The following PCDH15 variants were observed in gnomAD, a reference collection of about 807,000 sequenced individuals.
The protein encoded by PCDH15 is protocadherin-15.
A neutral mutation model predicts 178.5 loss-of-function variants in PCDH15; 129 were observed. The ratio of observed to expected loss-of-function variants is 0.72; its 90% CI spans 0.63 to 0.84. PCDH15 has a LOEUF of 0.84. Ranked by LOEUF, PCDH15 falls within the 40% of genes least tolerant of loss-of-function variation. The pLI is 0.00. For missense variants in PCDH15, 2,230 were observed against 2,099.9 expected (o/e 1.06, Z -1.21); for synonymous variants, 800 against 732.0 (o/e 1.09, Z -1.50).
chr10:54,153,360 C>T (rs1438473685), intron 13 of PCDH15, 67 bp from the exon 14 acceptor site: 3 of 1,549,176 alleles, frequency 1.9e-6, no homozygotes, highest in East Asian at 2.3e-5. Flanking sequence ...TCGTTTTTTC[C>T]CCCAACAAAA....
Position 54,275,722 on chromosome 10 carries a change from T to C in PCDH15, c.877-38791A>G, listed in dbSNP as rs374409872. Among the ~76,000 whole-genome samples, 5 of 151,678 alleles carry C rather than the reference T, an allele frequency of 3.3e-5. No homozygotes were observed. The East Asian group carries it at 7.8e-4, about 24-fold the overall frequency. ...GAAGAGGATAAAAGAGCAAGGCATC[T>C]CCCTTGCTGACAGAAAGGCTTCTTA... On this transcript the variant is annotated intron_variant, in intron 8 of 37. Transcript: ENST00000644397.
At chr10:55,158,200 T>C (rs1282189742) in intron 2 of PCDH15, among the ~76,000 whole-genome samples, 1 of 151,912 alleles carries the variant, frequency 6.6e-6, no homozygotes, top group Non-Finnish European at 1.5e-5. Context: ...ATACAAATTA[T>C]ATTTCTTCTC....
chr10:54,290,565 T>A (rs990064912), intron 8 of PCDH15, among the ~76,000 whole-genome samples: 4 of 152,096 alleles, frequency 2.6e-5, no homozygotes, highest in Non-Finnish European at 4.4e-5. Context: ...AAAATGTAAA[T>A]GGGCTAAATG....
At position 54,281,480 on chromosome 10, in the gene PCDH15, ATCT is replaced by A. The variant is rs1306220715; in HGVS notation, c.876+35788_876+35790del. Among the ~76,000 whole-genome samples the A allele has an allele frequency of 2.0e-5, 3 of 151,882 alleles. 1 individual carries two copies. In the East Asian group the frequency reaches 5.8e-4, roughly 29 times the overall value. On this transcript the variant is annotated intron_variant, in intron 8 of 37. Transcript: ENST00000644397. Reference sequence around the variant, plus strand: ...TAATATATGAATATTGAGTCTATTAATCTTCTCTCTTAAAAATTCAAAGCACTA... The same window carrying A: ...TAATATATGAATATTGAGTCTATTAATCTCTCTTAAAAATTCAAAGCACTA...
chr10:53,904,699 G>GACTT (rs2082553948), intron 25 of PCDH15, among the ~76,000 whole-genome samples: 1 of 152,072 alleles, frequency 6.6e-6, no homozygotes, highest in South Asian at 2.1e-4. Flanking sequence ...CCAGGGCTCT[G>GACTT]ACTTGTACCT....
chr10:55,284,564 A>G (rs965681398), intron 1 of PCDH15, among the ~76,000 whole-genome samples: 1 of 97,962 alleles, frequency 1.0e-5, no homozygotes, highest in South Asian at 2.9e-4. Context: ...TGTTTTCTGC[A>G]TATTATTTTT....
chr10:54,545,153 A>G (rs1590018833), intron 2 of PCDH15, among the ~76,000 whole-genome samples: 2 of 152,324 alleles, frequency 1.3e-5, no homozygotes, highest in Admixed American at 6.5e-5. Context: ...CCAATTTTAG[A>G]GCAAGGACAG....
At chr10:54,113,189 C>A (rs1233670175) in intron 15 of PCDH15, among the ~76,000 whole-genome samples, 2 of 151,986 alleles carry the variant, frequency 1.3e-5, no homozygotes, top group African/African-American at 2.4e-5. Context: ...ATATGTATAA[C>A]AATAACAATA....
chr10:54,005,366 A>C (rs562257212), intron 20 of PCDH15, among the ~76,000 whole-genome samples: 1 of 152,276 alleles, frequency 6.6e-6, no homozygotes, highest in Non-Finnish European at 1.5e-5. Context: ...CAACAAAGTA[A>C]AGAGACAACC....
chr10:54,963,037 T>A (rs1838694674), intron 2 of PCDH15, among the ~76,000 whole-genome samples: 1 of 152,194 alleles, frequency 6.6e-6, no homozygotes, highest in South Asian at 2.1e-4. Flanking sequence ...CTATAACACA[T>A]CTAATTTCAT....
intron 29 of PCDH15, among the ~76,000 whole-genome samples, chr10:53,836,550 C>T (rs1025024530): frequency 6.6e-6 from 1 of 152,166 alleles, no homozygotes; most frequent in Non-Finnish European, 1.5e-5. Flanking sequence ...TGACACCATT[C>T]CACCAATAAA....
intron 1 of PCDH15, among the ~76,000 whole-genome samples, chr10:54,771,573 G>T (rs1256367268): frequency 6.6e-6 from 1 of 151,952 alleles, no homozygotes; most frequent in Non-Finnish European, 1.5e-5. Flanking sequence ...GCTTGAATTG[G>T]TTCAGACGTC....
intron 2 of PCDH15, among the ~76,000 whole-genome samples, chr10:55,450,520 T>G (rs1839411398): frequency 6.6e-6 from 1 of 152,174 alleles, no homozygotes; most frequent in South Asian, 2.1e-4. Flanking sequence ...CCTACAGAGT[T>G]AAATGATCAG....
intron 2 of PCDH15, among the ~76,000 whole-genome samples, chr10:54,601,892 A>T (rs1233517053): frequency 1.3e-5 from 2 of 151,974 alleles, no homozygotes; most frequent in Non-Finnish European, 2.9e-5. Context: ...CAGAAAACAG[A>T]AATACTGCAT....
chr10:55,600,319 G>T (rs4290137), intron 2 of PCDH15, among the ~76,000 whole-genome samples: 8,718 of 151,444 alleles, frequency 0.058, 575 homozygotes, highest in East Asian at 0.32. Context: ...AGCGGAGATG[G>T]TGCCACTGCA....
chr10:54,789,171 T>C (rs566960739), intron 1 of PCDH15, among the ~76,000 whole-genome samples: 8 of 152,064 alleles, frequency 5.3e-5, no homozygotes, highest in African/African-American at 1.9e-4. Context: ...TTTATAAGAA[T>C]GTCTTTGGTA....
At chr10:55,007,304 G>T (rs528138123) in intron 2 of PCDH15, among the ~76,000 whole-genome samples, 1 of 152,282 alleles carries the variant, frequency 6.6e-6, no homozygotes, top group Non-Finnish European at 1.5e-5. Context: ...TTTCCAAGGT[G>T]CCTAACTATT....
At chr10:55,333,790 T>C (rs1307034671) in intron 2 of PCDH15, among the ~76,000 whole-genome samples, 1 of 151,648 alleles carries the variant, frequency 6.6e-6, no homozygotes, top group African/African-American at 2.4e-5. Context: ...TTTTTCTTAA[T>C]AAAAATTTCA....
intron 20 of PCDH15, among the ~76,000 whole-genome samples, chr10:54,006,902 A>C (rs992025741): frequency 2.0e-5 from 3 of 152,100 alleles, no homozygotes; most frequent in African/African-American, 7.2e-5. Flanking sequence ...ACACTAAGAC[A>C]GGCAAACACA....
Sources: allele counts gnomAD v4.1 joint callset (sites outside exome capture counted in the v4.1 genomes callset), GRCh38; gene constraint gnomAD v4.1.1; transcripts MANE v1.5; gene names NCBI Gene and HGNC (gene_info 2026-07-23, HGNC 2026-07-21).